MKLN1: variants seen among roughly 807,000 people sequenced by gnomAD.
MKLN1 encodes the protein muskelin 1.
In MKLN1, 18 loss-of-function variants were observed where a neutral mutation model predicts 99.0. That is an observed-to-expected ratio of 0.18 (90% CI 0.13 to 0.27). The LOEUF (loss-of-function observed/expected upper bound fraction) is 0.27. MKLN1 is among the 10% of genes least tolerant of loss of function. The pLI is 1.00. For synonymous variants in MKLN1, 288 were observed against 293.2 expected (o/e 0.98, Z 0.18); for missense variants, 621 against 875.9 (o/e 0.71, Z 3.67).
chr7:131,459,131 T>G (rs547712095), intron 12 of MKLN1, among the ~76,000 whole-genome samples: 4 of 152,306 alleles, frequency 2.6e-5, no homozygotes, highest in African/African-American at 9.6e-5. Flanking sequence ...AGGCTATGAT[T>G]TAATGCAGGT....
At position 131,490,839 on chromosome 7, in the gene MKLN1, T is replaced by G. The variant is rs751102817; in HGVS notation, c.*3111T>G. The G allele has an allele frequency of 1.3e-5, 2 of 152,608 alleles. No individual in the cohort carries two copies. The highest frequency in any genetic ancestry group is 2.4e-5 in the African/African-American group (1 of 41,462). 9.5% of individuals were successfully genotyped at this position (152,608 alleles called of 1,614,324 possible). On this transcript the variant is annotated 3_prime_UTR_variant, in exon 18 of 18. Coordinates refer to ENST00000352689, the MANE Select transcript of MKLN1 (RefSeq NM_013255.5). ...CTTCACATCTGCCTTAAAAGTGCTA[T>G]GTAGAGATACATTAACAGAGTTATA...
chr7:131,208,488 G>A (rs572007150), intron 3 of MKLN1, among the ~76,000 whole-genome samples: 58 of 152,264 alleles, frequency 3.8e-4, no homozygotes, highest in African/African-American at 1.3e-3. Context: ...ACAGCTACTT[G>A]GGAGGCCGAG....
chr7:131,463,086 T>C (rs1337431112), intron 12 of MKLN1, 131 bp from the exon 13 acceptor site: 2 of 732,716 alleles, frequency 2.7e-6, no homozygotes, highest in Non-Finnish European at 2.2e-6. Context: ...TGTGCCTCAC[T>C]GCACTTCAGC....
chr7:131,434,009 G>A (rs142901171), intron 9 of MKLN1, among the ~76,000 whole-genome samples: 2 of 151,394 alleles, frequency 1.3e-5, no homozygotes, highest in Non-Finnish European at 2.9e-5. Context: ...TCAGCCTCCC[G>A]AGTAGCTGAG....
At chr7:131,227,147 T>C (rs976818903) in intron 3 of MKLN1, among the ~76,000 whole-genome samples, 1 of 152,210 alleles carries the variant, frequency 6.6e-6, no homozygotes, top group East Asian at 1.9e-4. Flanking sequence ...AACCCGTTTC[T>C]TTCCCTGCAG....
Position 131,375,503 on chromosome 7 carries a change from C to T in MKLN1, c.168+10C>T, listed in dbSNP as rs776350106. 5 of 1,560,876 alleles carry T rather than the reference C, an allele frequency of 3.2e-6. No homozygotes were observed. The highest frequency in any genetic ancestry group is 3.5e-6 in the Non-Finnish European group (4 of 1,131,724). On this transcript the variant is annotated intron_variant, in intron 2 of 17. Transcript: ENST00000352689. ...CAACTATCCTCCCCAGGTAAGATTA[C>T]ATGTATCCCTTAATGCTGTTTAGAA...
chr7:131,328,097 G>T, intron 1 of MKLN1, 100 bp downstream of exon 1: 3 of 1,422,226 alleles, frequency 2.1e-6, no homozygotes, highest in Non-Finnish European at 2.9e-6. Flanking sequence ...AGGCCCAGGC[G>T]GGGCCTGCTG....
chr7:131,453,522 C>T (rs1796246985), intron 12 of MKLN1, among the ~76,000 whole-genome samples: 1 of 152,070 alleles, frequency 6.6e-6, no homozygotes, highest in Non-Finnish European at 1.5e-5. Context: ...GACTCTTTCT[C>T]TTTAAATAAG....
Position 131,237,622 on chromosome 7 carries a change from A to G in MKLN1, c.-179+34648A>G, listed in dbSNP as rs775508934. Among the ~76,000 whole-genome samples the G allele has an allele frequency of 6.6e-5, 10 of 152,144 alleles. No individual in the cohort carries two copies. The East Asian group carries it at 1.3e-3, about 21-fold the overall frequency. On this transcript the variant is annotated intron_variant, in intron 3 of 7. Transcript: ENST00000416992. ...GTATGCAGTCCTGACTAAGTGGGGCAATTGGTCCATCAAGGGCTGGTCAGT... is the reference window on the plus strand; with the variant it reads ...GTATGCAGTCCTGACTAAGTGGGGCGATTGGTCCATCAAGGGCTGGTCAGT...
chr7:131,325,809 A>G (rs1798873574), upstream of MKLN1, among the ~76,000 whole-genome samples: 1 of 150,694 alleles, frequency 6.6e-6, no homozygotes, highest in Non-Finnish European at 1.5e-5. Context: ...GCTTAGAGCA[A>G]GCTCCGGAGG....
chr7:131,221,551 C>G (rs901140233), intron 3 of MKLN1, among the ~76,000 whole-genome samples: 4 of 150,190 alleles, frequency 2.7e-5, no homozygotes, highest in African/African-American at 9.8e-5. Flanking sequence ...CTCCATCACC[C>G]ACGCTGGAGG....
upstream of MKLN1, chr7:131,323,217 T>C (rs1333122288): frequency 6.6e-6 from 1 of 152,082 alleles, no homozygotes; most frequent in Non-Finnish European, 1.5e-5. Context: ...TTAAAACATC[T>C]CTGCCTAAGA....
intron 2 of MKLN1, among the ~76,000 whole-genome samples, chr7:131,161,369 A>G (rs2116313112): frequency 6.6e-6 from 1 of 152,274 alleles, no homozygotes; most frequent in Admixed American, 6.5e-5. Context: ...AAATATGGTT[A>G]GTCTGAATTA....
chr7:131,279,656 A>T (rs1231529758), intron 3 of MKLN1, among the ~76,000 whole-genome samples: 1 of 152,016 alleles, frequency 6.6e-6, no homozygotes, highest in Non-Finnish European at 1.5e-5. Flanking sequence ...AAAAATAAAA[A>T]AGTTAGCTGT....
chr7:131,306,321 G>T (rs917899219), intron 3 of MKLN1, among the ~76,000 whole-genome samples: 1 of 152,232 alleles, frequency 6.6e-6, no homozygotes, highest in Non-Finnish European at 1.5e-5. Context: ...AAATGTGGAA[G>T]TGACTTTGGA....
intron 2 of MKLN1, among the ~76,000 whole-genome samples, chr7:131,172,567 G>A (rs538194837): frequency 1.1e-4 from 17 of 152,174 alleles, no homozygotes; most frequent in South Asian, 2.1e-4. Context: ...CACCTGCCTC[G>A]GCCTCCCAAA....
intron 2 of MKLN1, among the ~76,000 whole-genome samples, chr7:131,167,422 A>G (rs1419308140): frequency 1.3e-5 from 2 of 152,196 alleles, no homozygotes; most frequent in East Asian, 3.8e-4. Context: ...CTGTAATCCC[A>G]GCACTTTGGG....
chr7:131,292,356 C>T (rs1227415485), intron 3 of MKLN1, among the ~76,000 whole-genome samples: 2 of 152,148 alleles, frequency 1.3e-5, no homozygotes, highest in Non-Finnish European at 2.9e-5. Flanking sequence ...CAAGGGTCAT[C>T]TGTAGATGAT....
intron 2 of MKLN1, among the ~76,000 whole-genome samples, chr7:131,152,182 A>G (rs58078444): frequency 0.49 from 74,056 of 151,856 alleles, 19,166 homozygotes; most frequent in East Asian, 0.97. Flanking sequence ...AATTAGCTGT[A>G]TGTGGTGGTG....
Sources: allele counts gnomAD v4.1 joint callset (sites outside exome capture counted in the v4.1 genomes callset), GRCh38; gene constraint gnomAD v4.1.1; transcripts MANE v1.5; gene names NCBI Gene and HGNC (gene_info 2026-07-23, HGNC 2026-07-21).